The following ACSL1 variants were observed in gnomAD, a reference collection of about 807,000 sequenced individuals.
ACSL1 encodes the protein long-chain-fatty-acid--CoA ligase 1.
ACSL1 carries 41 observed loss-of-function variants against 98.4 expected under a neutral mutation model. That is an observed-to-expected ratio of 0.42 (90% CI 0.32 to 0.54). The LOEUF is 0.54. ACSL1 is among the 20% of genes least tolerant of loss of function. ACSL1 has a pLI of 0.13. For missense variants in ACSL1, 734 were observed against 883.1 expected (o/e 0.83, Z 2.14); for synonymous variants, 316 against 322.7 (o/e 0.98, Z 0.22).
chr4:184,757,609 T>C lies in ACSL1; in HGVS notation c.1956+26A>G. On this transcript the variant is annotated intron_variant, in intron 20 of 20. Transcript: ENST00000281455. The surrounding 1 kb of genome is among the most constrained non-coding windows in gnomAD (Gnocchi z 4.5). The stretch of plus-strand genomic sequence containing the variant: ...TAATGGAAAATTTGTTTTACAGGAA[T>C]TCACCCACTCAGATGAAGGTCATAC... The C allele has an allele frequency of 2.5e-6, 4 of 1,594,718 alleles. No individual in the cohort carries two copies. Among genetic ancestry groups the C allele is most frequent in the Non-Finnish European group, 3.4e-6 (4 of 1,172,730 alleles).
chr4:184,811,467 G>C (rs569519545), intron 1 of ACSL1, among the ~76,000 whole-genome samples: 1 of 151,990 alleles, frequency 6.6e-6, no homozygotes, highest in African/African-American at 2.4e-5. Flanking sequence ...ACAGATGAAC[G>C]GATCAAAATG....
chr4:184,786,787 C>T (rs1035113312), intron 3 of ACSL1, among the ~76,000 whole-genome samples: 4 of 150,692 alleles, frequency 2.7e-5, no homozygotes, highest in Admixed American at 1.3e-4. Flanking sequence ...TCCACCTCTC[C>T]GGTTCAAGCG....
At chr4:184,763,972 A>G (rs570568474) in intron 15 of ACSL1, among the ~76,000 whole-genome samples, 3 of 152,360 alleles carry the variant, frequency 2.0e-5, no homozygotes, top group Non-Finnish European at 2.9e-5. Flanking sequence ...AACAAATACC[A>G]TAAAGAAGAT....
At chr4:184,820,002 C>G (rs1005304197) in intron 1 of ACSL1, among the ~76,000 whole-genome samples, 2 of 152,060 alleles carry the variant, frequency 1.3e-5, no homozygotes, top group African/African-American at 2.4e-5. Flanking sequence ...AGGGCAGAAA[C>G]CAAGGGCAAT....
chr4:184,771,146 T>C (rs1404568212), intron 10 of ACSL1, among the ~76,000 whole-genome samples: 2 of 152,080 alleles, frequency 1.3e-5, no homozygotes, highest in African/African-American at 4.8e-5. Flanking sequence ...AATACTTTAA[T>C]TATTCAAACA....
chr4:184,757,007 T>C lies in ACSL1; in HGVS notation c.*118A>G, dbSNP rs112676246. The C allele has an allele frequency of 1.6e-5, 21 of 1,306,620 alleles. No homozygotes were observed. The African/African-American group carries it at 2.3e-4, about 15-fold the overall frequency. The allele number at this position is 1,306,620 out of a possible 1,614,324, so 80.9% of individuals were successfully genotyped here. A position where few individuals can be genotyped will look rare whatever the true frequency, so the allele number is the denominator to read the frequency against. ...ATGAGAAGAACCCCGAATGGACAAG[T>C]CAAACACGAACGCTTCCTTCCCTAC... On this transcript the variant is annotated 3_prime_UTR_variant, in exon 21 of 21. Coordinates refer to ENST00000281455, the MANE Select transcript of ACSL1 (RefSeq NM_001995.5). The surrounding 1 kb of genome is among the most constrained non-coding windows in gnomAD (Gnocchi z 4.5).
Position 184,766,897 on chromosome 4 carries a change from C to T in ACSL1, c.1129-141G>A, listed in dbSNP as rs1468836708. ...TCTGACAGCCTGGCCGGTCCTCTAACGGCCCCACATGGTCAGCACAGGACA... is the reference window on the plus strand; with the variant it reads ...TCTGACAGCCTGGCCGGTCCTCTAATGGCCCCACATGGTCAGCACAGGACA... On this transcript the variant is annotated intron_variant, in intron 12 of 20. Coordinates refer to ENST00000281455, the MANE Select transcript of ACSL1 (RefSeq NM_001995.5). This position sits in a 1 kb window ranked among gnomAD's most constrained non-coding sequence, Gnocchi z 4.8. The T allele has an allele frequency of 1.3e-5, 12 of 944,410 alleles. No homozygotes were observed. The East Asian group carries it at 1.9e-4, about 15-fold the overall frequency. 58.5% of individuals were successfully genotyped at this position (944,410 alleles called of 1,614,324 possible).
intron 2 of ACSL1, among the ~76,000 whole-genome samples, chr4:184,801,934 T>A (rs1431142338): frequency 1.3e-5 from 2 of 152,260 alleles, no homozygotes; most frequent in African/African-American, 4.8e-5. Context: ...TGCTAAGTTA[T>A]ACATGTCTTA....
At chr4:184,807,121 C>G (rs1771531151) in intron 1 of ACSL1, among the ~76,000 whole-genome samples, 3 of 152,196 alleles carry the variant, frequency 2.0e-5, no homozygotes, top group Admixed American at 6.5e-5. Context: ...TGTATGTGAA[C>G]ATAAGCATTA....
In ACSL1 at chr4:184,811,355, G is replaced by A. The variant is rs539042087; in HGVS notation, c.-32-7809C>T. On this transcript the variant is annotated intron_variant, in intron 1 of 20. Transcript: ENST00000281455. Reference sequence around the variant, plus strand: ...TCTCGATCTCCCGACTTTGTGATCTGCCCGCCTTGGCCTCCCAAAGTGCTG... The same window carrying A: ...TCTCGATCTCCCGACTTTGTGATCTACCCGCCTTGGCCTCCCAAAGTGCTG... 1.9e-4 allele frequency among the ~76,000 whole-genome samples: 29 copies of A among 152,052 alleles called. 1 individual carries two copies. The highest frequency in any genetic ancestry group is 9.2e-4 in the Admixed American group (14 of 15,274).
intron 2 of ACSL1, among the ~76,000 whole-genome samples, chr4:184,797,888 G>A (rs1479922780): frequency 6.6e-6 from 1 of 152,206 alleles, no homozygotes; most frequent in Non-Finnish European, 1.5e-5. Context: ...ACTATTCTCT[G>A]TGACTTGTGG....
At position 184,757,839 on chromosome 4, in the gene ACSL1, C is replaced by T; in HGVS notation, c.1864G>A (p.Glu622Lys). The T allele has an allele frequency of 1.9e-6, 3 of 1,614,192 alleles. No homozygotes were observed. The highest frequency in any genetic ancestry group is 2.5e-6 in the Non-Finnish European group (3 of 1,180,032). ...AQKRGFEGSF[E>K]ELCRNKDVKK... ...CTTACCTTATTTCTGCACAGTTCCT[C>T]AAACGACCCTTCAAATCCTCTCTTT... The change falls in exon 19 of 21, where the codon GAG (glutamate) becomes AAG (lysine). Residue 622 changes from glutamate (E) to lysine (K), a missense_variant. Coordinates refer to ENST00000281455, the MANE Select transcript of ACSL1 (RefSeq NM_001995.5). The surrounding 1 kb of genome is among the most constrained non-coding windows in gnomAD (Gnocchi z 4.5).
chr4:184,793,638 G>A (rs1768804778), intron 2 of ACSL1, among the ~76,000 whole-genome samples: 1 of 152,148 alleles, frequency 6.6e-6, no homozygotes, highest in Admixed American at 6.5e-5. Context: ...ATAGGGAGGT[G>A]GACGCAGGGC....
intron 3 of ACSL1, among the ~76,000 whole-genome samples, chr4:184,785,630 A>G (rs1767148893): frequency 7.7e-6 from 1 of 129,838 alleles, no homozygotes; most frequent in Non-Finnish European, 1.6e-5. Context: ...GGAAGGAAGC[A>G]AATCGAGACC....
intron 2 of ACSL1, chr4:184,798,791 T>G (rs1769920975): frequency 6.6e-6 from 1 of 152,366 alleles, no homozygotes; most frequent in Non-Finnish European, 1.5e-5. Context: ...TAAGGTAGCC[T>G]GCAGAGCATC....
rs147258088 is a variant in ACSL1, at chr4:184,810,848, C to T, written c.-32-7302G>A. Among the ~76,000 whole-genome samples the T allele has an allele frequency of 2.0e-4, 30 of 152,302 alleles. No individual in the cohort carries two copies. The East Asian group carries it at 3.1e-3, about 16-fold the overall frequency. On this transcript the variant is annotated intron_variant, in intron 1 of 20. Transcript: ENST00000281455. Reference sequence around the variant, plus strand: ...TGTCAGGTGCTGTGCTACGGGACTGCGCACAGGGCTAAATGCGTCCTCGTC... The same window carrying T: ...TGTCAGGTGCTGTGCTACGGGACTGTGCACAGGGCTAAATGCGTCCTCGTC...
rs993669104 is a variant in ACSL1, at chr4:184,756,163, G to A, written c.*962C>T. 6.6e-6 allele frequency: 1 copy of A among 152,490 alleles called. No individual in the cohort carries two copies. The highest frequency in any genetic ancestry group is 2.1e-4 in the South Asian group (1 of 4,832). The allele number at this position is 152,490 out of a possible 1,614,324, so 9.4% of individuals were successfully genotyped here. On this transcript the variant is annotated 3_prime_UTR_variant, in exon 21 of 21. Transcript: ENST00000281455. ...GTTTATTTTTTGGGGAAAAAGGCAAGTTAATCCCAACATGATCTTTTGATA... is the reference window on the plus strand; with the variant it reads ...GTTTATTTTTTGGGGAAAAAGGCAAATTAATCCCAACATGATCTTTTGATA...
chr4:184,797,665 C>T (rs533969188), intron 2 of ACSL1, among the ~76,000 whole-genome samples: 1 of 152,290 alleles, frequency 6.6e-6, no homozygotes, highest in Admixed American at 6.5e-5. Flanking sequence ...TGAGAATGAA[C>T]CCACAGCTGT....
Position 184,773,788 on chromosome 4 carries a change from C to T in ACSL1, c.789+55G>A. ...GAACTATAAGCCACAAGGTACCAGG[C>T]TAGATATTGAAAACTACAAAGAGGA... is the stretch of plus-strand genomic sequence containing the variant. On this transcript the variant is annotated intron_variant, in intron 8 of 20. Coordinates refer to ENST00000281455, the MANE Select transcript of ACSL1 (RefSeq NM_001995.5). The surrounding 1 kb of genome is among the most constrained non-coding windows in gnomAD (Gnocchi z 4.3). 1 of 1,613,346 alleles carries T rather than the reference C, an allele frequency of 6.2e-7. No homozygotes were observed. Among genetic ancestry groups the T allele is most frequent in the Admixed American group, 1.7e-5 (1 of 59,944 alleles).
Sources: gnomAD v4.1 joint callset for allele counts (sites outside exome capture counted in the v4.1 genomes callset) on GRCh38, gnomAD v4.1.1 for gene constraint, Gnocchi (gnomAD v3.1) non-coding constraint, MANE v1.5 for transcripts, NCBI Gene and HGNC (gene_info 2026-07-23, HGNC 2026-07-21) for gene names.